Variants in NPTX2 observed in about 807,000 individuals in gnomAD.
The protein encoded by NPTX2 is neuronal pentraxin 2.
NPTX2 carries 23 observed loss-of-function variants against 38.1 expected under a neutral mutation model. The ratio of observed to expected loss-of-function variants is 0.60; its 90% CI spans 0.43 to 0.85. NPTX2 has a LOEUF of 0.85. Among genes scored for constraint, NPTX2 ranks in the 40% least tolerant of loss-of-function variants. NPTX2 has a pLI of 0.00. For missense variants in NPTX2, 553 were observed against 615.3 expected (o/e 0.90, Z 1.07); for synonymous variants, 291 against 287.3 (o/e 1.01, Z -0.13).
chr7:98,627,036 G>T (rs1417180350), intron 3 of NPTX2, 129 bp from the exon 4 acceptor site: 3 of 586,852 alleles, frequency 5.1e-6, no homozygotes, highest in Admixed American at 3.0e-5. Context: ...TGTTCTCCAC[G>T]CATGACCCCG....
At chr7:98,623,458 C>T (rs896813314) in intron 2 of NPTX2, among the ~76,000 whole-genome samples, 4 of 152,130 alleles carry the variant, frequency 2.6e-5, no homozygotes, top group Non-Finnish European at 5.9e-5. Context: ...GGATTCTCAC[C>T]AATTCCAGGA....
Position 98,628,466 on chromosome 7 carries a change from T to C in NPTX2, c.1133T>C (p.Ile378Thr). ...AFVGELSQFN[I>T]WDRVLRAQEI... Reference sequence around the variant, plus strand: ...GTCGGGGAGCTCAGCCAGTTCAACATATGGGACCGCGTCCTTCGCGCACAA... The same window carrying C: ...GTCGGGGAGCTCAGCCAGTTCAACACATGGGACCGCGTCCTTCGCGCACAA... The change falls in exon 5 of 5, where the codon ATA becomes ACA. Residue 378 changes from isoleucine (I) to threonine (T), a missense_variant. Coordinates refer to ENST00000265634, the MANE Select transcript of NPTX2 (RefSeq NM_002523.3). The C allele has an allele frequency of 6.2e-7, 1 of 1,612,112 alleles. No individual in the cohort carries two copies. The highest frequency in any genetic ancestry group is 8.5e-7 in the Non-Finnish European group (1 of 1,178,788).
rs1179628495 is a variant in NPTX2 at position 98,627,197 on chromosome 7, C to T, written c.921C>T (p.Gly307=). The T allele has an allele frequency of 3.1e-6, 5 of 1,613,548 alleles. 1 individual carries two copies. In the Middle Eastern group the frequency reaches 5.0e-4, roughly 160 times the overall value. Residue 307 remains glycine (G), a synonymous_variant, in exon 4 of 5, where the codon GGC becomes GGT. Coordinates refer to ENST00000265634, the MANE Select transcript of NPTX2 (RefSeq NM_002523.3). ...VAQLPLFVSD[G]KWHHICVTWT... is the part of the protein sequence containing the mutation. The stretch of plus-strand genomic sequence containing the variant: ...AGCTGCCCCTGTTTGTCAGTGACGG[C>T]AAGTGGCACCACATCTGTGTCACCT...
rs1791244541 is a variant in NPTX2 at position 98,619,761 on chromosome 7, A to G, written c.545A>G (p.Asp182Gly). ...QLLRKVAELE[D>G]EKSLLHNETS... ...CTGCGCAAGGTGGCAGAGCTGGAGG[A>G]CGAGAAGTCCCTGCTGCACAATGAG... The change falls in exon 2 of 5, where the codon GAC (aspartate) becomes GGC (glycine). Residue 182 changes from aspartate to glycine, a missense_variant. Transcript: ENST00000265634. 4 of 1,613,534 alleles carry G rather than the reference A, an allele frequency of 2.5e-6. No individual in the cohort carries two copies. The highest frequency in any genetic ancestry group is 3.4e-6 in the Non-Finnish European group (4 of 1,180,008).
chr7:98,626,894 G>A (rs1278962639), intron 3 of NPTX2, among the ~76,000 whole-genome samples: 1 of 152,214 alleles, frequency 6.6e-6, no homozygotes, highest in African/African-American at 2.4e-5. Flanking sequence ...CTGGCATGGA[G>A]AGCTCAGGGC....
At chr7:98,628,080 G>A (rs1791383369) in intron 4 of NPTX2, among the ~76,000 whole-genome samples, 1 of 152,076 alleles carries the variant, frequency 6.6e-6, no homozygotes, top group Non-Finnish European at 1.5e-5. Flanking sequence ...TTCCTTCTTG[G>A]CCCACTCCTC....
chr7:98,620,432 A>G (rs1562849494), intron 2 of NPTX2, among the ~76,000 whole-genome samples: 1 of 152,162 alleles, frequency 6.6e-6, no homozygotes, highest in Non-Finnish European at 1.5e-5. Flanking sequence ...GGGCAGATGG[A>G]GAAGGGGCTG....
At chr7:98,620,954 C>T (rs1791261167) in intron 2 of NPTX2, among the ~76,000 whole-genome samples, 2 of 152,194 alleles carry the variant, frequency 1.3e-5, no homozygotes, top group Non-Finnish European at 1.5e-5. Flanking sequence ...TTCAGTCATG[C>T]CAGGCGGGAG....
chr7:98,627,046 G>A (rs1584143981), intron 3 of NPTX2, 119 bp from the exon 4 acceptor site: 6 of 542,950 alleles, frequency 1.1e-5, no homozygotes, highest in South Asian at 3.9e-5. Context: ...GCATGACCCC[G>A]GTGACAGGAG....
In NPTX2 at chr7:98,617,651, C is replaced by T; in HGVS notation, c.190C>T (p.Leu64=). The T allele has an allele frequency of 6.7e-7, 1 of 1,485,152 alleles. No individual in the cohort carries two copies. Among genetic ancestry groups the T allele is most frequent in the Non-Finnish European group, 8.9e-7 (1 of 1,126,458 alleles). The allele number at this position is 1,485,152 out of a possible 1,614,324, so 92.0% of individuals were successfully genotyped here. The change falls in exon 1 of 5, where the codon CTG becomes TTG. Residue 64 remains leucine, a synonymous_variant. Transcript: ENST00000265634. ...SPEEELRAAV[L]QLRETVVQQK... Reference sequence around the variant, plus strand: ...CGAGGAGGAGCTGAGGGCCGCGGTGCTGCAGCTGCGCGAGACCGTCGTGCA... The same window carrying T: ...CGAGGAGGAGCTGAGGGCCGCGGTGTTGCAGCTGCGCGAGACCGTCGTGCA...
rs747507718 is a variant in NPTX2, at chr7:98,627,347, G to GGGTGCAGGGCA, written c.1068+12_1068+22dup. 1 of 1,612,768 alleles carries GGGTGCAGGGCA rather than the reference G, an allele frequency of 6.2e-7. No individual in the cohort carries two copies. The highest frequency in any genetic ancestry group is 2.2e-5 in the East Asian group (1 of 44,866). On this transcript the variant is annotated splice_donor_region_variant and intron_variant, in intron 4 of 4. Coordinates refer to ENST00000265634, the MANE Select transcript of NPTX2 (RefSeq NM_002523.3). ...TGCTGATCCTTGGACAAGAGCAGGT[G>GGGTGCAGGGCA]GGTGCAGGGCAGGTGCAGGTGGGCA... is the stretch of plus-strand genomic sequence containing the variant.
intron 2 of NPTX2, among the ~76,000 whole-genome samples, chr7:98,620,806 G>A (rs1791258540): frequency 6.6e-6 from 1 of 152,110 alleles, no homozygotes; most frequent in African/African-American, 2.4e-5. Flanking sequence ...CACACTAAAG[G>A]TAGTTTGCCT....
intron 1 of NPTX2, among the ~76,000 whole-genome samples, chr7:98,618,170 G>A (rs1791205992): frequency 6.6e-6 from 1 of 152,188 alleles, no homozygotes; most frequent in African/African-American, 2.4e-5. Context: ...ACTTCCCGAG[G>A]TCCGGGCTAG....
At chr7:98,627,596 G>C (rs1791374570) in intron 4 of NPTX2, among the ~76,000 whole-genome samples, 1 of 152,152 alleles carries the variant, frequency 6.6e-6, no homozygotes. Flanking sequence ...TTGGGCGTGG[G>C]GTCACGGCCT....
chr7:98,627,313 C>T lies in NPTX2; in HGVS notation c.1037C>T (p.Pro346Leu), dbSNP rs1017261946. The stretch of plus-strand genomic sequence containing the variant: ...CTGGCCCCCTGGCACCCCATCAAGC[C>T]CGGGGGCGTGCTGATCCTTGGACAA... The part of the protein sequence containing the change: ...ENLAPWHPIK[P>L]GGVLILGQEQ... Residue 346 changes from proline (P) to leucine (L), a missense_variant, in exon 4 of 5, where the codon CCC (proline) becomes CTC (leucine). Pro to Leu is a moderately conservative substitution (Grantham distance 98). Coordinates refer to ENST00000265634, the MANE Select transcript of NPTX2 (RefSeq NM_002523.3). 4 of 1,613,802 alleles carry T rather than the reference C, an allele frequency of 2.5e-6. No homozygotes were observed. Among genetic ancestry groups the T allele is most frequent in the South Asian group, 2.2e-5 (2 of 91,088 alleles).
In NPTX2 at chr7:98,617,893, G is replaced by A. The variant is rs1307304320; in HGVS notation, c.426+6G>A. 2.6e-6 allele frequency: 4 copies of A among 1,548,204 alleles called. No homozygotes were observed. The highest frequency in any genetic ancestry group is 2.3e-5 in the South Asian group (2 of 85,374). On this transcript the variant is annotated splice_donor_region_variant and intron_variant, in intron 1 of 4. Coordinates refer to ENST00000265634, the MANE Select transcript of NPTX2 (RefSeq NM_002523.3). ...ACCGCCTGGAGAGCCTCGAGGTAGC[G>A]GCCCGCGGGGAGCGCGGGGGACCTG...
Position 98,619,675 on chromosome 7 carries a change from G to T in NPTX2, c.459G>T (p.Gly153=), listed in dbSNP as rs1443329786. ...TCAGAGCAAACGTGTCCAATGCTGG[G>T]CTGCCCGGCGACTTCCGCGAGGTGC... ...HQLRANVSNA[G]LPGDFREVLQ... Residue 153 remains glycine, a synonymous_variant, in exon 2 of 5, where the codon GGG becomes GGT. Transcript: ENST00000265634. 2 of 1,613,378 alleles carry T rather than the reference G, an allele frequency of 1.2e-6. No individual in the cohort carries two copies. The highest frequency in any genetic ancestry group is 1.7e-6 in the Non-Finnish European group (2 of 1,180,034).
At position 98,628,441 on chromosome 7, in the gene NPTX2, G is replaced by A. The variant is rs1464322903; in HGVS notation, c.1108G>A (p.Val370Ile). The change falls in exon 5 of 5, where the codon GTC becomes ATC. Residue 370 changes from valine to isoleucine, a missense_variant. By Grantham distance (29) the Val-to-Ile change is conservative. Coordinates refer to ENST00000265634, the MANE Select transcript of NPTX2 (RefSeq NM_002523.3). Reference sequence around the variant, plus strand: ...TAGGTTTGATGCCACTCAGGCATTTGTCGGGGAGCTCAGCCAGTTCAACAT... The same window carrying A: ...TAGGTTTGATGCCACTCAGGCATTTATCGGGGAGCTCAGCCAGTTCAACAT... ...GGRFDATQAF[V>I]GELSQFNIWD... 6.2e-7 allele frequency: 1 copy of A among 1,611,222 alleles called. No homozygotes were observed. The highest frequency in any genetic ancestry group is 2.2e-5 in the East Asian group (1 of 44,856).
intron 2 of NPTX2, among the ~76,000 whole-genome samples, chr7:98,621,563 G>A (rs1390593772): frequency 1.3e-5 from 2 of 152,166 alleles, no homozygotes; most frequent in Non-Finnish European, 2.9e-5. Context: ...ATGAGTAAAC[G>A]CCCAGCCCTC....
Sources: gnomAD v4.1 joint callset for allele counts (sites outside exome capture counted in the v4.1 genomes callset) on GRCh38, gnomAD v4.1.1 for gene constraint, MANE v1.5 for transcripts, NCBI Gene and HGNC (gene_info 2026-07-23, HGNC 2026-07-21) for gene names.